Variants in RIPOR3 observed in about 807,000 individuals in gnomAD.
RIPOR3 encodes the protein family with sequence similarity 65 member C.
Under a neutral mutation model 114.3 loss-of-function variants are expected in RIPOR3, and 95 were observed. The observed-to-expected ratio is 0.83, with a 90% CI of 0.70 to 0.99. The LOEUF (loss-of-function observed/expected upper bound fraction) is 0.99, where lower values mean the gene tolerates loss of function less well. RIPOR3 is among the 50% of genes least tolerant of loss of function. RIPOR3 has a pLI of 0.00. For missense variants in RIPOR3, 1,252 were observed against 1,266.9 expected, an observed-to-expected ratio of 0.99 and a Z score of 0.18; for synonymous variants, 575 against 543.8, an observed-to-expected ratio of 1.06 and a Z score of -0.80.
chr20:50,586,861 C>T lies in RIPOR3; in HGVS notation c.*371G>A, dbSNP rs1405534232. On this transcript the variant is annotated 3_prime_UTR_variant, in exon 22 of 22. Transcript: ENST00000327979. ...CGGCAGCGAGGCCTGGAGTTCTACA[C>T]ACTTGCCTTGGAGCCTTTTATTTAG... 3 of 207,296 alleles carry T rather than the reference C, an allele frequency of 1.4e-5. No homozygotes were observed. Among genetic ancestry groups the T allele is most frequent in the East Asian group, 1.1e-4 (1 of 8,978 alleles). 12.8% of individuals were successfully genotyped at this position (207,296 alleles called of 1,614,324 possible).
intron 9 of RIPOR3, 46 bp from the exon 10 acceptor site, chr20:50,608,784 C>T: frequency 6.2e-7 from 1 of 1,612,502 alleles, no homozygotes; most frequent in Non-Finnish European, 8.5e-7. Flanking sequence ...GGTGGGTGTC[C>T]CCTTGCTGTC....
intron 1 of RIPOR3, among the ~76,000 whole-genome samples, chr20:50,684,690 G>A (rs1205503536): frequency 1.3e-5 from 2 of 152,220 alleles, no homozygotes; most frequent in South Asian, 2.1e-4. Flanking sequence ...CACCATGGCC[G>A]CTGGGACCAG....
At chr20:50,605,555 G>T (rs971945620) in intron 11 of RIPOR3, among the ~76,000 whole-genome samples, 6 of 152,122 alleles carry the variant, frequency 3.9e-5, no homozygotes, top group Admixed American at 3.3e-4. Context: ...GATGACTTGA[G>T]CTCAGGAGTT....
chr20:50,587,966 TG>T, intron 20 of RIPOR3, 74 bp from the exon 21 acceptor site: 7 of 1,420,418 alleles, frequency 4.9e-6, no homozygotes, highest in Non-Finnish European at 5.9e-6. Flanking sequence ...TTAGTGGCCC[TG>T]CAGGGCCAGT....
At chr20:50,649,679 A>G (rs2085533544) in intron 1 of RIPOR3, among the ~76,000 whole-genome samples, 1 of 151,408 alleles carries the variant, frequency 6.6e-6, no homozygotes, top group African/African-American at 2.4e-5. Flanking sequence ...CTGCTTAATG[A>G]GGTGAGGTTC....
intron 1 of RIPOR3, among the ~76,000 whole-genome samples, chr20:50,677,996 T>G (rs2086731526): frequency 6.6e-6 from 1 of 152,070 alleles, no homozygotes; most frequent in Non-Finnish European, 1.5e-5. Context: ...TAGTCTGCTT[T>G]CAGATGAGGA....
chr20:50,670,062 C>A (rs1279973693), intron 1 of RIPOR3, among the ~76,000 whole-genome samples: 2 of 147,040 alleles, frequency 1.4e-5, no homozygotes, highest in Non-Finnish European at 3.0e-5. Context: ...GAGGCCGAAG[C>A]AAGAGAATCA....
chr20:50,641,376 G>A (rs972366223), intron 1 of RIPOR3, among the ~76,000 whole-genome samples: 2 of 152,138 alleles, frequency 1.3e-5, no homozygotes, highest in Non-Finnish European at 2.9e-5. Flanking sequence ...CACTGCACCC[G>A]GCTAATTTTT....
At chr20:50,682,718 G>A (rs1421054280) in intron 1 of RIPOR3, among the ~76,000 whole-genome samples, 2 of 135,646 alleles carry the variant, frequency 1.5e-5, no homozygotes, top group African/African-American at 2.6e-5. Flanking sequence ...TGGCATACAT[G>A]TAAGTGATAA....
intron 1 of RIPOR3, among the ~76,000 whole-genome samples, chr20:50,637,887 T>C (rs2085048159): frequency 2.0e-5 from 3 of 151,928 alleles, no homozygotes; most frequent in Non-Finnish European, 4.4e-5. Flanking sequence ...AAAAAAATTT[T>C]TTTAAATAAA....
intron 2 of RIPOR3, among the ~76,000 whole-genome samples, chr20:50,628,383 C>G (rs766256550): frequency 7.9e-5 from 12 of 152,110 alleles, no homozygotes; most frequent in Non-Finnish European, 1.5e-4. Flanking sequence ...GGGTCCTCCT[C>G]CCTCCCTGAC....
chr20:50,654,500 G>A (rs1052482043), intron 1 of RIPOR3, among the ~76,000 whole-genome samples: 15 of 132,348 alleles, frequency 1.1e-4, no homozygotes, highest in Admixed American at 3.8e-4. Flanking sequence ...GCGCAATCTC[G>A]GCTCACTGCA....
Position 50,609,740 on chromosome 20 carries a change from G to T in RIPOR3, c.427-18C>A. On this transcript the variant is annotated intron_variant, in intron 6 of 21. Coordinates refer to ENST00000327979, the MANE Select transcript of RIPOR3 (RefSeq NM_001290268.2). Reference sequence around the variant, plus strand: ...TCATCCACCTGTGGTGGGCACACGGGCTGGTGGCGCTGCCCACGCGGAGGG... The same window carrying T: ...TCATCCACCTGTGGTGGGCACACGGTCTGGTGGCGCTGCCCACGCGGAGGG... The T allele has an allele frequency of 7.4e-7, 1 of 1,360,514 alleles. No homozygotes were observed. The allele number at this position is 1,360,514 out of a possible 1,614,324, so 84.3% of individuals were successfully genotyped here. A position where few individuals can be genotyped will look rare whatever the true frequency, so the allele number is the denominator to read the frequency against.
At chr20:50,610,174 A>T (rs1436517104) in intron 6 of RIPOR3, among the ~76,000 whole-genome samples, 1 of 116,244 alleles carries the variant, frequency 8.6e-6, no homozygotes, top group African/African-American at 3.4e-5. Context: ...ACCCTGTCTC[A>T]CCTGCCTCTC....
chr20:50,661,749 C>T (rs1361315692), intron 1 of RIPOR3, among the ~76,000 whole-genome samples: 6 of 152,138 alleles, frequency 3.9e-5, no homozygotes, highest in Admixed American at 1.3e-4. Flanking sequence ...AAGGGCAGGT[C>T]GGGGCCTGGG....
chr20:50,654,282 T>C (rs1332011786), intron 1 of RIPOR3, among the ~76,000 whole-genome samples: 1 of 151,338 alleles, frequency 6.6e-6, no homozygotes, highest in Non-Finnish European at 1.5e-5. Context: ...TTCTCCTGCC[T>C]CAGCCTCCCA....
intron 1 of RIPOR3, among the ~76,000 whole-genome samples, chr20:50,679,135 A>AAAAAAAAT (rs2086773516): frequency 4.8e-5 from 1 of 20,770 alleles, no homozygotes; most frequent in African/African-American, 1.3e-4. Flanking sequence ...AAAAAAAAAA[A>AAAAAAAAT]ATATATATAT....
chr20:50,628,082 C>T (rs1467651423), intron 2 of RIPOR3, among the ~76,000 whole-genome samples: 1 of 152,308 alleles, frequency 6.6e-6, no homozygotes, highest in South Asian at 2.1e-4. Flanking sequence ...TCTGATAAAG[C>T]CCAGGAAGAG....
rs564876086 is a variant in RIPOR3, at chr20:50,596,202, C to T, written c.1852G>A (p.Gly618Ser). The change falls in exon 15 of 22, where the codon GGT (glycine) becomes AGT (serine). Residue 618 changes from glycine to serine, a missense_variant. Gly to Ser is a moderately conservative substitution (Grantham distance 56). Transcript: ENST00000327979. The part of the protein sequence containing the change: ...LKASSRELTA[G>S]APELDVLLMV... ...AGCAGCACGTCCAGCTCTGGGGCAC[C>T]GGCTGTGAGTTCCCTGGATGACGCT... 1.8e-5 allele frequency: 29 copies of T among 1,614,056 alleles called. No homozygotes were observed. Among genetic ancestry groups the T allele is most frequent in the East Asian group, 1.8e-4 (8 of 44,890 alleles).
Sources: gnomAD v4.1 joint callset for allele counts (sites outside exome capture counted in the v4.1 genomes callset) on GRCh38, gnomAD v4.1.1 for gene constraint, MANE v1.5 for transcripts, NCBI Gene and HGNC (gene_info 2026-07-23, HGNC 2026-07-21) for gene names.